PCDH9: variants seen among roughly 807,000 people sequenced by gnomAD.
PCDH9 encodes the protein protocadherin-9.
In PCDH9, 24 loss-of-function variants were observed where a neutral mutation model predicts 70.6. That is an observed-to-expected ratio of 0.34 (90% CI 0.25 to 0.48). The LOEUF (loss-of-function observed/expected upper bound fraction) is 0.48. Ranked by LOEUF, PCDH9 falls within the 20% of genes least tolerant of loss-of-function variation. The pLI, the probability that PCDH9 is intolerant of heterozygous loss-of-function variation, is 0.99. For synonymous variants in PCDH9, 562 were observed against 558.5 expected, an observed-to-expected ratio of 1.01 and a Z score of -0.09; for missense variants, 1,281 against 1,503.6, an observed-to-expected ratio of 0.85 and a Z score of 2.45.
At chr13:66,455,922 A>G (rs990121427) in intron 4 of PCDH9, among the ~76,000 whole-genome samples, 2 of 152,164 alleles carry the variant, frequency 1.3e-5, no homozygotes, top group Non-Finnish European at 2.9e-5. Flanking sequence ...CATAGCCTAC[A>G]GCCCATGTTG....
chr13:67,125,307 G>A (rs2138311497), intron 2 of PCDH9, among the ~76,000 whole-genome samples: 1 of 152,220 alleles, frequency 6.6e-6, no homozygotes, highest in South Asian at 2.1e-4. Flanking sequence ...CAAATCATGT[G>A]TATTACTGTT....
At chr13:66,476,831 T>C (rs942401741) in intron 4 of PCDH9, among the ~76,000 whole-genome samples, 3 of 152,078 alleles carry the variant, frequency 2.0e-5, no homozygotes, top group African/African-American at 4.8e-5. Context: ...GTTAACATGA[T>C]GGTACTAATG....
At chr13:66,854,147 T>A (rs959906289) in intron 3 of PCDH9, among the ~76,000 whole-genome samples, 2 of 152,146 alleles carry the variant, frequency 1.3e-5, no homozygotes, top group African/African-American at 4.8e-5. Flanking sequence ...AAGTATAGCA[T>A]AGTGGTTGAA....
At chr13:66,872,328 C>T (rs190886525) in intron 3 of PCDH9, among the ~76,000 whole-genome samples, 181 of 152,208 alleles carry the variant, frequency 1.2e-3, no homozygotes, top group African/African-American at 3.6e-3. Flanking sequence ...TAAGATTCTA[C>T]TTTTTTTCCA....
chr13:66,948,232 T>C (rs1380618768), intron 2 of PCDH9, among the ~76,000 whole-genome samples: 1 of 152,128 alleles, frequency 6.6e-6, no homozygotes, highest in Non-Finnish European at 1.5e-5. Flanking sequence ...ACTGTATAAA[T>C]GTTAATATTT....
At chr13:66,772,078 C>A (rs1284832420) in intron 3 of PCDH9, among the ~76,000 whole-genome samples, 1 of 152,094 alleles carries the variant, frequency 6.6e-6, no homozygotes, top group African/African-American at 2.4e-5. Context: ...CATAAGGTAG[C>A]CAACATTCTG....
chr13:66,730,877 T>TG (rs1423817245), intron 3 of PCDH9, among the ~76,000 whole-genome samples: 3,926 of 13,878 alleles, frequency 0.28, 424 homozygotes, highest in African/African-American at 0.32. Flanking sequence ...TGTGTGTGTG[T>TG]TTTTTTTTTG....
At chr13:66,507,651 C>T (rs1025433127) in intron 4 of PCDH9, among the ~76,000 whole-genome samples, 1 of 152,130 alleles carries the variant, frequency 6.6e-6, no homozygotes, top group African/African-American at 2.4e-5. Flanking sequence ...CTGGCAAAAA[C>T]GGGTTCAAAT....
chr13:66,528,140 C>T (rs1036713707), intron 4 of PCDH9, among the ~76,000 whole-genome samples: 1 of 152,168 alleles, frequency 6.6e-6, no homozygotes, highest in African/African-American at 2.4e-5. Context: ...TTCACCAACT[C>T]TCAGTTGACT....
intron 4 of PCDH9, among the ~76,000 whole-genome samples, chr13:66,322,666 G>C (rs927739404): frequency 6.6e-6 from 1 of 151,834 alleles, no homozygotes; most frequent in Non-Finnish European, 1.5e-5. Flanking sequence ...TGTTTTTTCA[G>C]ATAGAAAAAT....
intron 4 of PCDH9, among the ~76,000 whole-genome samples, chr13:66,415,049 G>A (rs1328975427): frequency 6.6e-6 from 1 of 152,030 alleles, no homozygotes; most frequent in East Asian, 1.9e-4. Flanking sequence ...TTCTGAAAAT[G>A]TACATGAGGG....
intron 2 of PCDH9, among the ~76,000 whole-genome samples, chr13:67,180,420 T>A (rs1237809037): frequency 6.6e-6 from 1 of 152,146 alleles, no homozygotes; most frequent in Non-Finnish European, 1.5e-5. Flanking sequence ...TGAAGCTCAC[T>A]GTTGGGCTCC....
intron 3 of PCDH9, among the ~76,000 whole-genome samples, chr13:66,787,173 T>C (rs1250077722): frequency 6.6e-6 from 1 of 152,176 alleles, no homozygotes; most frequent in Non-Finnish European, 1.5e-5. Context: ...CTGTACCACT[T>C]GGTGTGACTC....
chr13:66,680,465 T>C (rs2078303388), intron 3 of PCDH9, among the ~76,000 whole-genome samples: 1 of 152,010 alleles, frequency 6.6e-6, no homozygotes, highest in African/African-American at 2.4e-5. Context: ...TATTTAATTC[T>C]TTTTAGTATT....
At chr13:66,820,119 T>C (rs918147474) in intron 3 of PCDH9, among the ~76,000 whole-genome samples, 1 of 152,088 alleles carries the variant, frequency 6.6e-6, no homozygotes, top group Non-Finnish European at 1.5e-5. Flanking sequence ...TTCCATATAT[T>C]AGGATACAAA....
intron 2 of PCDH9, among the ~76,000 whole-genome samples, chr13:66,916,789 G>T (rs1339545326): frequency 1.3e-5 from 2 of 151,358 alleles, no homozygotes; most frequent in African/African-American, 4.8e-5. Context: ...TCCTTAGTGA[G>T]CTCTCTAAAG....
chr13:66,549,078 A>C (rs1961349489), intron 4 of PCDH9, among the ~76,000 whole-genome samples: 1 of 152,122 alleles, frequency 6.6e-6, no homozygotes, highest in African/African-American at 2.4e-5. Context: ...ATTTCCAAGA[A>C]ATTCTTTTCC....
chr13:66,669,042 A>G (rs757589950), intron 3 of PCDH9, among the ~76,000 whole-genome samples: 8 of 152,126 alleles, frequency 5.3e-5, no homozygotes, highest in Non-Finnish European at 8.8e-5. Context: ...TTTAAATTTG[A>G]CTTGACCTCA....
chr13:66,404,786 T>C (rs369935843), intron 4 of PCDH9, among the ~76,000 whole-genome samples: 1 of 152,050 alleles, frequency 6.6e-6, no homozygotes, highest in Admixed American at 6.6e-5. Context: ...CATGCCTTTT[T>C]CCCCCCTTTC....
Sources: allele counts gnomAD v4.1 joint callset (sites outside exome capture counted in the v4.1 genomes callset), GRCh38; gene constraint gnomAD v4.1.1; transcripts MANE v1.5; gene names NCBI Gene and HGNC (gene_info 2026-07-23, HGNC 2026-07-21).